Variants in SLC6A3 observed in about 807,000 individuals in gnomAD.
SLC6A3 encodes the protein sodium-dependent dopamine transporter.
SLC6A3 carries 19 observed loss-of-function variants against 70.4 expected under a neutral mutation model. The observed-to-expected ratio is 0.27, with a 90% CI of 0.19 to 0.40. The LOEUF is 0.40. SLC6A3 is among the 10% of genes least tolerant of loss of function. SLC6A3 has a pLI of 1.00. For missense variants in SLC6A3, 613 were observed against 838.5 expected, an observed-to-expected ratio of 0.73 and a Z score of 3.32; for synonymous variants, 368 against 356.6, an observed-to-expected ratio of 1.03 and a Z score of -0.36.
intron 14 of SLC6A3, among the ~76,000 whole-genome samples, chr5:1,398,682 G>A (rs11564771): frequency 0.093 from 14,195 of 152,154 alleles, 817 homozygotes; most frequent in African/African-American, 0.16. Context: ...GATATTTCAG[G>A]CAAACTCAAA....
chr5:1,400,060 C>T (rs188019623), intron 14 of SLC6A3, among the ~76,000 whole-genome samples: 31 of 152,332 alleles, frequency 2.0e-4, no homozygotes, highest in Non-Finnish European at 3.7e-4. Context: ...GGTGGGGCCG[C>T]GGTGCCCTCC....
intron 8 of SLC6A3, among the ~76,000 whole-genome samples, chr5:1,412,207 C>T (rs1454733257): frequency 6.6e-6 from 1 of 152,268 alleles, no homozygotes; most frequent in Admixed American, 6.5e-5. Flanking sequence ...TGCTGTGAAC[C>T]CACAGTGAGC....
Position 1,432,565 on chromosome 5 carries a change from C to A in SLC6A3, c.552G>T (p.Trp184Cys). The change falls in exon 4 of 15, where the codon TGG (tryptophan) becomes TGT (cysteine). Residue 184 changes from tryptophan (W) to cysteine (C), a missense_variant. By Grantham distance (215) the Trp-to-Cys change is radical. Transcript: ENST00000270349. ...ELPWIHCNNS[W>C]NSPNCSDAHP... Reference sequence around the variant, plus strand: ...GGGCATCCGAGCAGTTGGGGCTGTTCCAGGAGTTGTTGCAGTGGATCCAGG... The same window carrying A: ...GGGCATCCGAGCAGTTGGGGCTGTTACAGGAGTTGTTGCAGTGGATCCAGG... 6.2e-7 allele frequency: 1 copy of A among 1,614,202 alleles called. No individual in the cohort carries two copies.
Position 1,442,830 on chromosome 5 carries a change from G to C in SLC6A3, c.286+82C>G. 6 of 1,425,020 alleles carry C rather than the reference G, an allele frequency of 4.2e-6. No homozygotes were observed. The highest frequency in any genetic ancestry group is 1.1e-5 in the South Asian group (1 of 87,250). The allele number at this position is 1,425,020 out of a possible 1,614,324, so 88.3% of individuals were successfully genotyped here. On this transcript the variant is annotated intron_variant, in intron 2 of 14. Transcript: ENST00000270349. This position sits in a 1 kb window ranked among gnomAD's most constrained non-coding sequence, Gnocchi z 5.0. ...TCACGCATGGGAACAGCTTCATCTC[G>C]TTTCCGTACGTGCCTTGGCCCCGGC...
chr5:1,417,093 C>T (rs991078955), intron 6 of SLC6A3, among the ~76,000 whole-genome samples: 3 of 151,436 alleles, frequency 2.0e-5, no homozygotes, highest in African/African-American at 4.9e-5. Context: ...CTGAGTGTGT[C>T]CCCCCATCCC....
intron 4 of SLC6A3, among the ~76,000 whole-genome samples, chr5:1,429,272 G>A (rs1335881377): frequency 6.6e-6 from 1 of 152,210 alleles, no homozygotes; most frequent in Non-Finnish European, 1.5e-5. Flanking sequence ...ACCTTCAGAA[G>A]GTGTGGGAGG....
Position 1,404,227 on chromosome 5 carries a change from T to C in SLC6A3, c.1600-1138A>G, listed in dbSNP as rs1755917241. 6.6e-6 allele frequency among the ~76,000 whole-genome samples: 1 copy of C among 152,112 alleles called. No homozygotes were observed. Among genetic ancestry groups the C allele is most frequent in the Non-Finnish European group, 1.5e-5 (1 of 68,018 alleles). On this transcript the variant is annotated intron_variant, in intron 12 of 14. Transcript: ENST00000270349. The surrounding 1 kb of genome is among the most constrained non-coding windows in gnomAD (Gnocchi z 5.2). ...GGAGCCGGCTAGCGGAGGACTGGGA[T>C]GGGGGCTGGGGTTGTGTCTGTCACG...
chr5:1,414,656 A>T, intron 8 of SLC6A3, 35 bp downstream of exon 8: 3 of 1,609,914 alleles, frequency 1.9e-6, no homozygotes, highest in Non-Finnish European at 2.5e-6. Context: ...CTGGTGCTAC[A>T]CGGAGCAGGC....
In SLC6A3 at chr5:1,442,048, C is replaced by T. The variant is rs899725337; in HGVS notation, c.287-558G>A. ...TCCTCTGAAACCTGCACCTCCCCCA[C>T]CCCCAGCACAAAGCCCAGGGAACCC... On this transcript the variant is annotated intron_variant, in intron 2 of 14. Transcript: ENST00000270349. The surrounding 1 kb of genome is among the most constrained non-coding windows in gnomAD (Gnocchi z 5.0). Among the ~76,000 whole-genome samples, 3 of 152,150 alleles carry T rather than the reference C, an allele frequency of 2.0e-5. No individual in the cohort carries two copies. The highest frequency in any genetic ancestry group is 7.2e-5 in the African/African-American group (3 of 41,442).
Position 1,442,339 on chromosome 5 carries a change from T to G in SLC6A3, c.286+573A>C, listed in dbSNP as rs1314696952. Among the ~76,000 whole-genome samples, 1 of 151,946 alleles carries G rather than the reference T, an allele frequency of 6.6e-6. No individual in the cohort carries two copies. Among genetic ancestry groups the G allele is most frequent in the Non-Finnish European group, 1.5e-5 (1 of 67,946 alleles). On this transcript the variant is annotated intron_variant, in intron 2 of 14. Transcript: ENST00000270349. The surrounding 1 kb of genome is among the most constrained non-coding windows in gnomAD (Gnocchi z 5.0). ...TTCCCAGACCTAGCATAGAGGCCAA[T>G]GAGGGAGGCCAGGCAGGGAGGCTGG...
chr5:1,436,200 C>T lies in SLC6A3; in HGVS notation c.419-3502G>A, dbSNP rs542831247. Among the ~76,000 whole-genome samples the T allele has an allele frequency of 6.6e-6, 1 of 152,246 alleles. No homozygotes were observed. Among genetic ancestry groups the T allele is most frequent in the Non-Finnish European group, 1.5e-5 (1 of 68,040 alleles). ...AGGAAGGCAGAGCCCGTGACCTGGG[C>T]CACTGACGTGTAGCCCCTCACCAAC... On this transcript the variant is annotated intron_variant, in intron 3 of 14. Transcript: ENST00000270349. The surrounding 1 kb of genome is among the most constrained non-coding windows in gnomAD (Gnocchi z 5.2).
At position 1,408,607 on chromosome 5, in the gene SLC6A3, G is replaced by A. The variant is rs894796033; in HGVS notation, c.1498+419C>T. On this transcript the variant is annotated intron_variant, in intron 11 of 14. Transcript: ENST00000270349. This position sits in a 1 kb window ranked among gnomAD's most constrained non-coding sequence, Gnocchi z 6.4. ...AGGAGCTGCACCCCGTTCGAGCGCC[G>A]CCCGCTGATCATCAGGTCCCGACTG... Among the ~76,000 whole-genome samples, 3 of 152,274 alleles carry A rather than the reference G, an allele frequency of 2.0e-5. No individual in the cohort carries two copies. Among genetic ancestry groups the A allele is most frequent in the South Asian group, 2.1e-4 (1 of 4,816 alleles).
chr5:1,411,405 C>T lies in SLC6A3; in HGVS notation c.1157-50G>A, dbSNP rs1280301240. On this transcript the variant is annotated intron_variant, in intron 8 of 14. Transcript: ENST00000270349. This position sits in a 1 kb window ranked among gnomAD's most constrained non-coding sequence, Gnocchi z 6.5. ...CCACAGAGCCCACGCTGTGCTCTCCCGCCCATCCTGCCCCACCCCGCCCCG... is the reference window on the plus strand; with the variant it reads ...CCACAGAGCCCACGCTGTGCTCTCCTGCCCATCCTGCCCCACCCCGCCCCG... 41 of 1,369,306 alleles carry T rather than the reference C, an allele frequency of 3.0e-5. No homozygotes were observed. The highest frequency in any genetic ancestry group is 1.2e-4 in the Admixed American group (6 of 50,756). 84.8% of individuals were successfully genotyped at this position (1,369,306 alleles called of 1,614,324 possible). A position where few individuals can be genotyped will look rare whatever the true frequency, so the allele number is the denominator to read the frequency against.
intron 9 of SLC6A3, 94 bp from the exon 10 acceptor site, chr5:1,409,943 C>T (rs941863186): frequency 2.0e-5 from 31 of 1,512,532 alleles, no homozygotes; most frequent in Non-Finnish European, 2.4e-5. Flanking sequence ...GACGCACACC[C>T]GGGGATGGAC....
In SLC6A3 at chr5:1,432,502, G is replaced by A. The variant is rs764540812; in HGVS notation, c.615C>T (p.Asn205=). The change falls in exon 4 of 15, where the codon AAC becomes AAT. Residue 205 remains asparagine (N), a synonymous_variant. Transcript: ENST00000270349. ...GDSSGDSSGL[N]DTFGTTPAAE... ...CAGCAGGTGTGGTCCCAAAAGTGTC[G>A]TTGAGGCCCGAGCTGTCTCCACTGG... 3.9e-5 allele frequency: 63 copies of A among 1,614,096 alleles called. No individual in the cohort carries two copies. Among genetic ancestry groups the A allele is most frequent in the Middle Eastern group, 1.6e-4 (1 of 6,084 alleles).
rs72715517 is a variant in SLC6A3, at chr5:1,396,176, G to A, written c.1840-1418C>T. Among the ~76,000 whole-genome samples, 1,435 of 152,350 alleles carry A rather than the reference G, an allele frequency of 9.4e-3. 14 individuals carry two copies. Among genetic ancestry groups the A allele is most frequent in the Non-Finnish European group, 0.014 (973 of 68,026 alleles). ...GACCAGGGGCAGGGCAGTGGAATGC[G>A]GAGCGTCCATAGCTGAGCTGTGGTT... is the stretch of plus-strand genomic sequence containing the variant. On this transcript the variant is annotated intron_variant, in intron 14 of 14. Transcript: ENST00000270349. This position sits in a 1 kb window ranked among gnomAD's most constrained non-coding sequence, Gnocchi z 7.0.
chr5:1,427,958 A>C (rs898131939), intron 4 of SLC6A3, among the ~76,000 whole-genome samples: 2 of 152,220 alleles, frequency 1.3e-5, no homozygotes, highest in South Asian at 2.1e-4. Context: ...AAAACCAGTA[A>C]GGATGTAGAA....
chr5:1,443,066 G>A lies in SLC6A3; in HGVS notation c.132C>T (p.Ser44=). 1.2e-6 allele frequency: 2 copies of A among 1,614,240 alleles called. No homozygotes were observed. Among genetic ancestry groups the A allele is most frequent in the Non-Finnish European group, 1.7e-6 (2 of 1,180,044 alleles). Residue 44 remains serine, a synonymous_variant, in exon 2 of 15, where the codon AGC becomes AGT. Coordinates refer to ENST00000270349, the MANE Select transcript of SLC6A3 (RefSeq NM_001044.5). ...VKEQNGVQLT[S]STLTNPRQSP... ...TCTGCCGCGGGTTGGTGAGGGTGGA[G>A]CTGGTGAGCTGCACTCCGTTCTGCT...
rs190047509 is a variant in SLC6A3 at position 1,401,578 on chromosome 5, G to T, written c.1768-592C>A. ...CCTGTATCTGGATCTCTGAGGCCAG[G>T]TGACCTCTCACAGGGACCCCTGTGC... On this transcript the variant is annotated intron_variant, in intron 13 of 14. Transcript: ENST00000270349. The surrounding 1 kb of genome is among the most constrained non-coding windows in gnomAD (Gnocchi z 6.1). Among the ~76,000 whole-genome samples the T allele has an allele frequency of 6.6e-6, 1 of 152,282 alleles. No individual in the cohort carries two copies. The highest frequency in any genetic ancestry group is 1.9e-4 in the East Asian group (1 of 5,174).
Sources: gnomAD v4.1 joint callset for allele counts (sites outside exome capture counted in the v4.1 genomes callset) on GRCh38, gnomAD v4.1.1 for gene constraint, Gnocchi (gnomAD v3.1) non-coding constraint, MANE v1.5 for transcripts, NCBI Gene and HGNC (gene_info 2026-07-23, HGNC 2026-07-21) for gene names.